Variants in CFAP54 observed in about 807,000 individuals in gnomAD.
The protein encoded by CFAP54 is cilia- and flagella-associated protein 54.
Under a neutral mutation model 370.4 loss-of-function variants are expected in CFAP54, and 290 were observed. The ratio of observed to expected loss-of-function variants is 0.78; its 90% CI spans 0.71 to 0.86. The LOEUF (loss-of-function observed/expected upper bound fraction) is 0.86. Among genes scored for constraint, CFAP54 ranks in the 40% least tolerant of loss-of-function variants. The probability of loss-of-function intolerance (pLI) is 0.00; values close to 1 mark genes in which losing one functional copy is unlikely to be tolerated. For synonymous variants in CFAP54, 1,206 were observed against 1,236.5 expected (o/e 0.98, Z 0.52); for missense variants, 3,399 against 3,528.7 (o/e 0.96, Z 0.93).
At chr12:96,656,757 A>C (rs564333880) in intron 36 of CFAP54, among the ~76,000 whole-genome samples, 3 of 152,358 alleles carry the variant, frequency 2.0e-5, no homozygotes, top group Admixed American at 2.0e-4. Flanking sequence ...TCATCCCAGA[A>C]ATAAGGCATA....
intron 40 of CFAP54, among the ~76,000 whole-genome samples, chr12:96,681,105 A>G (rs1474563682): frequency 2.2e-5 from 3 of 135,082 alleles, no homozygotes; most frequent in South Asian, 3.1e-4. Context: ...AAAACAAAAC[A>G]GAAAAGCACC....
intron 5 of CFAP54, among the ~76,000 whole-genome samples, chr12:96,515,747 G>T (rs1169051857): frequency 1.3e-5 from 2 of 151,990 alleles, no homozygotes; most frequent in East Asian, 3.8e-4. Flanking sequence ...TATACCATGT[G>T]CTAGGTCCTG....
chr12:96,861,984 C>T (rs1331282685), intron 67 of CFAP54, among the ~76,000 whole-genome samples: 1 of 151,974 alleles, frequency 6.6e-6, no homozygotes, highest in East Asian at 1.9e-4. Flanking sequence ...ATGTATCATC[C>T]TCTATTCTGA....
chr12:96,543,561 C>T (rs1955601937), intron 14 of CFAP54, among the ~76,000 whole-genome samples: 1 of 152,050 alleles, frequency 6.6e-6, no homozygotes, highest in Non-Finnish European at 1.5e-5. Context: ...TAACCTCACA[C>T]CTGTTTGGCT....
intron 24 of CFAP54, among the ~76,000 whole-genome samples, chr12:96,592,958 A>C (rs556896001): frequency 6.6e-6 from 1 of 152,278 alleles, no homozygotes; most frequent in South Asian, 2.1e-4. Flanking sequence ...TTTTGCTTTC[A>C]TATAATTTCT....
At chr12:96,536,458 G>T (rs963191893) in intron 12 of CFAP54, among the ~76,000 whole-genome samples, 3 of 151,922 alleles carry the variant, frequency 2.0e-5, no homozygotes, top group Non-Finnish European at 4.4e-5. Context: ...ATTTCTTCTG[G>T]GTTTGTCAGA....
At chr12:96,674,745 A>T (rs1957185233) in intron 39 of CFAP54, among the ~76,000 whole-genome samples, 1 of 152,196 alleles carries the variant, frequency 6.6e-6, no homozygotes, top group South Asian at 2.1e-4. Context: ...TTTATTCTAG[A>T]ATGTAAGCTT....
intron 67 of CFAP54, among the ~76,000 whole-genome samples, chr12:96,868,587 T>C (rs1226497038): frequency 6.6e-6 from 1 of 152,162 alleles, no homozygotes; most frequent in African/African-American, 2.4e-5. Context: ...CAGTCTAATC[T>C]AGACCATTTA....
chr12:96,816,623 A>G (rs1958977038), intron 64 of CFAP54, among the ~76,000 whole-genome samples: 1 of 152,212 alleles, frequency 6.6e-6, no homozygotes, highest in South Asian at 2.1e-4. Flanking sequence ...ATTTTTGCCT[A>G]TGTTCCTGAT....
rs1956555341 is a variant in CFAP54 at position 96,626,937 on chromosome 12, A to C, written c.4101A>C (p.Lys1367Asn). 10 of 1,361,268 alleles carry C rather than the reference A, an allele frequency of 7.3e-6. No homozygotes were observed. The highest frequency in any genetic ancestry group is 9.5e-6 in the Non-Finnish European group (10 of 1,049,108). The allele number at this position is 1,361,268 out of a possible 1,614,324, so 84.3% of individuals were successfully genotyped here. Residue 1367 changes from lysine to asparagine, a missense_variant and splice_region_variant, in exon 30 of 68, where the codon AAA (lysine) becomes AAC (asparagine). Transcript: ENST00000524981. ...EVTTPVHDFL[K>N]RRNESLLGLI... ...CAACTCCTGTCCATGACTTCTTGAAAAGGTACTTGCAATTATCAGTGTTAT... is the reference window on the plus strand; with the variant it reads ...CAACTCCTGTCCATGACTTCTTGAACAGGTACTTGCAATTATCAGTGTTAT...
chr12:96,523,873 G>T (rs183785077), intron 8 of CFAP54, among the ~76,000 whole-genome samples: 2 of 151,410 alleles, frequency 1.3e-5, no homozygotes, highest in East Asian at 3.9e-4. Context: ...AAACTAATTT[G>T]TATCTGATTT....
chr12:96,756,889 C>T (rs1592744993), intron 57 of CFAP54, among the ~76,000 whole-genome samples: 1 of 128,756 alleles, frequency 7.8e-6, no homozygotes, highest in Admixed American at 7.5e-5. Flanking sequence ...AGAAGGAGTT[C>T]GTGTGGCTGT....
intron 29 of CFAP54, among the ~76,000 whole-genome samples, 184 bp from the exon 30 acceptor site, chr12:96,626,629 T>C (rs191594162): frequency 6.6e-6 from 1 of 152,302 alleles, no homozygotes; most frequent in Non-Finnish European, 1.5e-5. Context: ...AAAGGATTCA[T>C]TGATATTAGA....
chr12:96,772,469 C>T (rs1958472549), intron 60 of CFAP54, among the ~76,000 whole-genome samples: 1 of 152,192 alleles, frequency 6.6e-6, no homozygotes, highest in South Asian at 2.1e-4. Context: ...TCTCTCTGAC[C>T]CGAAACATAC....
intron 46 of CFAP54, among the ~76,000 whole-genome samples, chr12:96,700,301 A>T (rs559040729): frequency 6.6e-6 from 1 of 152,216 alleles, no homozygotes; most frequent in Non-Finnish European, 1.5e-5. Context: ...ATGGTTTTGG[A>T]GTAGTTTTTG....
chr12:96,581,703 C>T (rs948783533), intron 22 of CFAP54, among the ~76,000 whole-genome samples: 4 of 151,514 alleles, frequency 2.6e-5, no homozygotes, highest in Non-Finnish European at 4.4e-5. Flanking sequence ...TGCACACACA[C>T]GTGTATATGA....
chr12:96,634,616 A>T (rs115739490), intron 32 of CFAP54, among the ~76,000 whole-genome samples: 1,576 of 152,200 alleles, frequency 0.01, 24 homozygotes, highest in African/African-American at 0.034. Flanking sequence ...CCAGCTTATC[A>T]ATTTTTCCTT....
chr12:96,765,480 C>T (rs78745114), intron 60 of CFAP54, among the ~76,000 whole-genome samples: 3,168 of 152,234 alleles, frequency 0.021, 114 homozygotes, highest in African/African-American at 0.071. Flanking sequence ...GTTTCTTTTC[C>T]AGTTCACACA....
At chr12:96,742,639 G>A in intron 52 of CFAP54, 53 bp downstream of exon 52, 1 of 1,484,712 alleles carries the variant, frequency 6.7e-7, no homozygotes, top group Middle Eastern at 2.1e-4. Flanking sequence ...TTACATAGGT[G>A]AAGAGGGGTT....
Sources: allele counts gnomAD v4.1 joint callset (sites outside exome capture counted in the v4.1 genomes callset), GRCh38; gene constraint gnomAD v4.1.1; transcripts MANE v1.5; gene names NCBI Gene and HGNC (gene_info 2026-07-23, HGNC 2026-07-21).